The following PCDHA4 variants were observed in gnomAD, a reference collection of about 807,000 sequenced individuals.
The protein encoded by PCDHA4 is protocadherin alpha-4.
In PCDHA4, 49 loss-of-function variants were observed where a neutral mutation model predicts 61.4. The ratio of observed to expected loss-of-function variants is 0.80; its 90% CI spans 0.63 to 1.01. PCDHA4 has a LOEUF of 1.01. PCDHA4 is among the 50% of genes least tolerant of loss of function. The pLI is 0.00. For synonymous variants in PCDHA4, 590 were observed against 550.3 expected (o/e 1.07, Z -1.01); for missense variants, 1,254 against 1,235.8 (o/e 1.01, Z -0.22).
At chr5:140,866,639 A>G (rs782198143) in intron 1 of PCDHA4, 1 of 152,148 alleles carries the variant, frequency 6.6e-6, no homozygotes, top group Non-Finnish European at 1.5e-5. Flanking sequence ...CAACGGTGTC[A>G]AAATTTATTT....
At chr5:140,836,595 ACT>A (rs2150265014) in intron 1 of PCDHA4, 1 of 1,613,556 alleles carries the variant, frequency 6.2e-7, no homozygotes, top group Non-Finnish European at 8.5e-7. Context: ...GGTAAAGCCC[ACT>A]CTGGTGTGCT....
At chr5:140,911,312 T>C (rs2075424091) in intron 1 of PCDHA4, among the ~76,000 whole-genome samples, 1 of 152,154 alleles carries the variant, frequency 6.6e-6, no homozygotes, top group African/African-American at 2.4e-5. Context: ...CCATTCCAAG[T>C]TTCAGGATCC....
intron 1 of PCDHA4, chr5:140,860,137 A>C (rs941289854): frequency 1.3e-5 from 2 of 150,438 alleles, no homozygotes; most frequent in Non-Finnish European, 3.0e-5. Flanking sequence ...GTGTGTGTAT[A>C]TATATGTATA....
At chr5:140,920,505 T>C (rs545028033) in intron 1 of PCDHA4, among the ~76,000 whole-genome samples, 1 of 152,344 alleles carries the variant, frequency 6.6e-6, no homozygotes, top group South Asian at 2.1e-4. Flanking sequence ...TTCTACATAC[T>C]GTTTTATGCA....
intron 1 of PCDHA4, chr5:140,850,387 T>G: frequency 6.3e-7 from 1 of 1,597,588 alleles, no homozygotes. Flanking sequence ...ACGGGCGAGA[T>G]CAGCACAACG....
intron 1 of PCDHA4, chr5:140,828,105 C>T (rs1554131020): frequency 3.1e-6 from 5 of 1,610,132 alleles, no homozygotes; most frequent in Middle Eastern, 1.7e-4. Context: ...GTGTTTACCC[C>T]GGAGGATAGA....
intron 1 of PCDHA4, chr5:140,827,843 C>A: frequency 2.2e-6 from 1 of 460,554 alleles, no homozygotes; most frequent in East Asian, 3.5e-5. Context: ...AAAGAAGATA[C>A]TGTTTTAAAA....
rs782065777 is a variant in PCDHA4, at chr5:140,876,365, A to G, written c.2385+66793A>G. Reference sequence around the variant, plus strand: ...AAATGTATGTTTTCAATAAATCCAGACACAGGTGAAATTAGAATTTATGGT... The same window carrying G: ...AAATGTATGTTTTCAATAAATCCAGGCACAGGTGAAATTAGAATTTATGGT... On this transcript the variant is annotated intron_variant, in intron 1 of 3. Coordinates refer to ENST00000530339, the MANE Select transcript of PCDHA4 (RefSeq NM_018907.4). 60 of 1,613,862 alleles carry G rather than the reference A, an allele frequency of 3.7e-5. 2 individuals carry two copies. In the South Asian group the frequency reaches 6.5e-4, roughly 17 times the overall value.
intron 1 of PCDHA4, chr5:140,882,737 G>A (rs1375859660): frequency 6.2e-7 from 1 of 1,614,090 alleles, no homozygotes; most frequent in Admixed American, 1.7e-5. Flanking sequence ...ACTAGATGGC[G>A]CATCCGATGC....
intron 1 of PCDHA4, among the ~76,000 whole-genome samples, chr5:140,959,555 T>A (rs538493851): frequency 1.3e-5 from 2 of 152,118 alleles, no homozygotes; most frequent in African/African-American, 4.8e-5. Flanking sequence ...ATAAATAGAA[T>A]CAGTACTAGA....
At chr5:140,843,290 C>T in intron 1 of PCDHA4, 2 of 1,595,968 alleles carry the variant, frequency 1.3e-6, no homozygotes, top group Non-Finnish European at 1.7e-6. Context: ...TCATGGTGAA[C>T]CTGCGCTGAC....
intron 1 of PCDHA4, chr5:140,835,753 A>C (rs1400734217): frequency 1.9e-6 from 3 of 1,613,298 alleles, no homozygotes; most frequent in Middle Eastern, 3.4e-4. Flanking sequence ...GCGTTCGCGC[A>C]GCCCGAGTAT....
chr5:140,850,804 T>G (rs2150498986), intron 1 of PCDHA4: 1 of 1,598,410 alleles, frequency 6.3e-7, no homozygotes, highest in Admixed American at 1.7e-5. Flanking sequence ...ACCGACCTCA[T>G]GGCCTTCAGC....
At chr5:140,868,898 T>C (rs2050724806) in intron 1 of PCDHA4, 1 of 800,434 alleles carries the variant, frequency 1.2e-6, no homozygotes, top group African/African-American at 1.7e-5. Flanking sequence ...GCGCAAGGTG[T>C]CGCTCTTTAC....
intron 1 of PCDHA4, chr5:140,863,982 CAG>C (rs1167037323): frequency 6.5e-6 from 1 of 152,978 alleles, no homozygotes; most frequent in Non-Finnish European, 1.5e-5. Context: ...GCCTGGGAGA[CAG>C]GGTGAAACTC....
At chr5:140,844,212 C>T (rs1554140567) in intron 1 of PCDHA4, among the ~76,000 whole-genome samples, 1 of 149,426 alleles carries the variant, frequency 6.7e-6, no homozygotes, top group African/African-American at 2.4e-5. Context: ...GTCTGGTAGT[C>T]ACAAATATCT....
intron 1 of PCDHA4, chr5:140,835,661 C>G: frequency 6.2e-7 from 1 of 1,613,886 alleles, no homozygotes; most frequent in Non-Finnish European, 8.5e-7. Flanking sequence ...TGGTGGTTAC[C>G]GCGCGGGACG....
At chr5:140,946,894 T>C (rs1368559322) in intron 1 of PCDHA4, among the ~76,000 whole-genome samples, 1 of 151,402 alleles carries the variant, frequency 6.6e-6, no homozygotes, top group Non-Finnish European at 1.5e-5. Context: ...TACAATTAGA[T>C]AGGAAGAATA....
intron 1 of PCDHA4, chr5:140,835,978 A>G (rs1490395920): frequency 6.2e-7 from 1 of 1,613,260 alleles, no homozygotes; most frequent in African/African-American, 1.3e-5. Context: ...GAGCTGTTGC[A>G]GTTCCAGGTG....
Sources: allele counts gnomAD v4.1 joint callset (sites outside exome capture counted in the v4.1 genomes callset), GRCh38; gene constraint gnomAD v4.1.1; transcripts MANE v1.5; gene names NCBI Gene and HGNC (gene_info 2026-07-23, HGNC 2026-07-21).